Variants in KCNQ3 observed in about 807,000 individuals in gnomAD.
KCNQ3 encodes potassium voltage-gated channel subfamily KQT member 3.
KCNQ3 carries 30 observed loss-of-function variants against 92.5 expected under a neutral mutation model. The ratio of observed to expected loss-of-function variants is 0.32; its 90% CI spans 0.24 to 0.44. The LOEUF is 0.44. KCNQ3 is among the 20% of genes least tolerant of loss of function. KCNQ3 has a pLI of 1.00. For missense variants in KCNQ3, 913 were observed against 1,140.3 expected, an observed-to-expected ratio of 0.80 and a Z score of 2.87; for synonymous variants, 450 against 468.8, an observed-to-expected ratio of 0.96 and a Z score of 0.52.
intron 8 of KCNQ3, among the ~76,000 whole-genome samples, chr8:132,166,603 C>T (rs1298204307): frequency 1.3e-5 from 2 of 152,082 alleles, no homozygotes; most frequent in Non-Finnish European, 2.9e-5. Flanking sequence ...AGGTTTTTCT[C>T]ATAGAAAATT....
chr8:132,373,380 G>A (rs778502131), intron 1 of KCNQ3, among the ~76,000 whole-genome samples: 1 of 152,214 alleles, frequency 6.6e-6, no homozygotes, highest in East Asian at 1.9e-4. Context: ...GCCTTAAAAC[G>A]CTACCAGATA....
At chr8:132,294,000 G>GTTTTTT (rs386414036) in intron 1 of KCNQ3, among the ~76,000 whole-genome samples, 11 of 124,174 alleles carry the variant, frequency 8.9e-5, no homozygotes, top group South Asian at 2.6e-4. Context: ...TGTGTGTGTG[G>GTTTTTT]TTTTTTTTTT....
intron 1 of KCNQ3, among the ~76,000 whole-genome samples, chr8:132,222,793 G>T (rs1814279667): frequency 6.6e-6 from 1 of 152,196 alleles, no homozygotes. Flanking sequence ...GGATGCAAGG[G>T]CACATTTAGT....
rs781252745 is a variant in KCNQ3 at position 132,130,040 on chromosome 8, T to C, written c.1885-44A>G. ...TGTGAATTACCACTTTCTCTGAGGG[T>C]GGGGATCGTTGCTATTGGTTGGGAG... On this transcript the variant is annotated intron_variant, in intron 14 of 14. Transcript: ENST00000388996. The C allele has an allele frequency of 1.9e-6, 3 of 1,597,880 alleles. No individual in the cohort carries two copies. The Admixed American group carries it at 5.0e-5, about 27-fold the overall frequency.
intron 1 of KCNQ3, among the ~76,000 whole-genome samples, chr8:132,462,366 T>A (rs1309580383): frequency 6.6e-6 from 1 of 152,030 alleles, no homozygotes; most frequent in East Asian, 1.9e-4. Flanking sequence ...ATTTTTGTAT[T>A]TTCAGTAGAG....
chr8:132,260,091 G>A (rs1349736865), intron 1 of KCNQ3, among the ~76,000 whole-genome samples: 2 of 152,126 alleles, frequency 1.3e-5, no homozygotes, highest in Non-Finnish European at 2.9e-5. Flanking sequence ...TATCTACAGA[G>A]TCAACATAAT....
Position 132,340,467 on chromosome 8 carries a change from T to C in KCNQ3, c.386+139680A>G, listed in dbSNP as rs189668500. 1.7e-3 allele frequency among the ~76,000 whole-genome samples: 261 copies of C among 152,280 alleles called. 4 individuals carry two copies. Among genetic ancestry groups the C allele is most frequent in the South Asian group, 0.014 (66 of 4,824 alleles). ...TGAGTTCATTTCCTTCGCAGGGACA[T>C]GGATGAAGCTGGAAGCCATCATTCG... On this transcript the variant is annotated intron_variant, in intron 1 of 14. Transcript: ENST00000388996.
At chr8:132,212,772 C>T (rs1364238507) in intron 1 of KCNQ3, among the ~76,000 whole-genome samples, 1 of 152,200 alleles carries the variant, frequency 6.6e-6, no homozygotes, top group East Asian at 1.9e-4. Flanking sequence ...GCTTCACCTC[C>T]ACTGCTGTCA....
chr8:132,367,064 G>C (rs1819342682), intron 1 of KCNQ3, among the ~76,000 whole-genome samples: 1 of 152,190 alleles, frequency 6.6e-6, no homozygotes, highest in Non-Finnish European at 1.5e-5. Flanking sequence ...ATAAAAGAAG[G>C]AGACATTACA....
At chr8:132,204,403 C>T (rs1251734895) in intron 1 of KCNQ3, among the ~76,000 whole-genome samples, 2 of 152,226 alleles carry the variant, frequency 1.3e-5, no homozygotes, top group Non-Finnish European at 2.9e-5. Context: ...AAATGGTGTC[C>T]ATTTTTCCTT....
chr8:132,245,433 T>C (rs1034371730), intron 1 of KCNQ3, among the ~76,000 whole-genome samples: 2 of 152,206 alleles, frequency 1.3e-5, no homozygotes, highest in African/African-American at 2.4e-5. Context: ...TGCTCTCCTA[T>C]ATTATGCCTG....
intron 6 of KCNQ3, among the ~76,000 whole-genome samples, chr8:132,173,229 AAC>A (rs1826440876): frequency 6.6e-6 from 1 of 152,206 alleles, no homozygotes; most frequent in African/African-American, 2.4e-5. Flanking sequence ...AGTGGCCAGA[AAC>A]ACACACTTTC....
chr8:132,308,608 G>A (rs567030777), intron 1 of KCNQ3, among the ~76,000 whole-genome samples: 8 of 152,242 alleles, frequency 5.3e-5, no homozygotes, highest in African/African-American at 7.2e-5. Context: ...GGCTGCATGC[G>A]TTTGTTTTTC....
intron 1 of KCNQ3, among the ~76,000 whole-genome samples, chr8:132,336,410 G>C (rs1455375564): frequency 6.6e-6 from 1 of 152,198 alleles, no homozygotes; most frequent in Non-Finnish European, 1.5e-5. Flanking sequence ...AATCTCTTAG[G>C]GTTTCTGCGT....
intron 1 of KCNQ3, among the ~76,000 whole-genome samples, chr8:132,402,810 G>A (rs192288997): frequency 2.6e-5 from 4 of 152,120 alleles, no homozygotes; most frequent in Admixed American, 2.0e-4. Flanking sequence ...GAGGTCAGGA[G>A]ATCGAGACTG....
chr8:132,139,225 G>A (rs951629571), intron 11 of KCNQ3, among the ~76,000 whole-genome samples: 4 of 152,236 alleles, frequency 2.6e-5, no homozygotes, highest in Non-Finnish European at 5.9e-5. Flanking sequence ...AGACTATGCA[G>A]CGTCCCAGCA....
chr8:132,124,549 C>G lies in KCNQ3; in HGVS notation c.*4713G>C, dbSNP rs1268540314. 1 of 152,120 alleles carries G rather than the reference C, an allele frequency of 6.6e-6. No homozygotes were observed. The highest frequency in any genetic ancestry group is 2.4e-5 in the African/African-American group (1 of 41,414). 9.4% of individuals were successfully genotyped at this position (152,120 alleles called of 1,614,324 possible). A position where few individuals can be genotyped will look rare whatever the true frequency, so the allele number is the denominator to read the frequency against. On this transcript the variant is annotated 3_prime_UTR_variant, in exon 15 of 15. Transcript: ENST00000388996. ...CACTGCCATTACTGGCTTCTAAAAC[C>G]ACTAAAGCTATGCAGATAGCCTGGT...
At chr8:132,319,031 CA>C (rs1447836413) in intron 1 of KCNQ3, among the ~76,000 whole-genome samples, 1 of 152,078 alleles carries the variant, frequency 6.6e-6, no homozygotes, top group Non-Finnish European at 1.5e-5. Context: ...ACTATAACCC[CA>C]AAAATGTTGG....
intron 1 of KCNQ3, among the ~76,000 whole-genome samples, chr8:132,443,351 A>G (rs1821589031): frequency 6.7e-6 from 1 of 148,684 alleles, no homozygotes; most frequent in African/African-American, 2.5e-5. Context: ...GTAAGCAATC[A>G]CTTCCAGGGA....
Sources: allele counts gnomAD v4.1 joint callset (sites outside exome capture counted in the v4.1 genomes callset), GRCh38; gene constraint gnomAD v4.1.1; transcripts MANE v1.5; gene names NCBI Gene and HGNC (gene_info 2026-07-23, HGNC 2026-07-21).